IGFBP4: variants seen among roughly 807,000 people sequenced by gnomAD.
IGFBP4 encodes the protein insulin like growth factor binding protein 4, also known as insulin-like growth factor-binding protein 4.
In IGFBP4, 9 loss-of-function variants were observed where a neutral mutation model predicts 25.8. The ratio of observed to expected loss-of-function variants is 0.35; its 90% confidence interval spans 0.21 to 0.61. IGFBP4 has a LOEUF of 0.61. IGFBP4 is among the 20% of genes least tolerant of loss of function. IGFBP4 has a pLI of 0.77. For synonymous variants in IGFBP4, 153 were observed against 153.9 expected (o/e 0.99, Z 0.05); for missense variants, 315 against 365.3 (o/e 0.86, Z 1.12).
At position 40,456,877 on chromosome 17, in the gene IGFBP4, A is replaced by G; in HGVS notation, c.*294A>G. On this transcript the variant is annotated 3_prime_UTR_variant, in exon 4 of 4. Coordinates refer to ENST00000269593, the MANE Select transcript of IGFBP4 (RefSeq NM_001552.3). ...GGTCTGAGCCCTGGTGTGTTTCCAG[A>G]TCGATCCTGGATTCACTCACTCACT... 2.5e-6 allele frequency: 1 copy of G among 404,846 alleles called. No homozygotes were observed. Among genetic ancestry groups the G allele is most frequent in the Non-Finnish European group, 4.4e-6 (1 of 227,220 alleles). 25.1% of individuals were successfully genotyped at this position (404,846 alleles called of 1,614,324 possible). A position where few individuals can be genotyped will look rare whatever the true frequency, so the allele number is the denominator to read the frequency against.
chr17:40,453,875 G>C lies in IGFBP4; in HGVS notation c.508-53G>C. On this transcript the variant is annotated intron_variant, in intron 2 of 3. Coordinates refer to ENST00000269593, the MANE Select transcript of IGFBP4 (RefSeq NM_001552.3). This position sits in a 1 kb window ranked among gnomAD's most constrained non-coding sequence, Gnocchi z 4.0. ...TCACTTAGCTCTGACCCCAGGCCTG[G>C]GCCTCCTGCCTCTCTTCCTTCTGCT... 7.0e-7 allele frequency: 1 copy of C among 1,425,896 alleles called. No individual in the cohort carries two copies. The highest frequency in any genetic ancestry group is 9.7e-7 in the Non-Finnish European group (1 of 1,034,378). 88.3% of individuals were successfully genotyped at this position (1,425,896 alleles called of 1,614,324 possible).
At chr17:40,444,519 T>C (rs2035629676) in intron 1 of IGFBP4, among the ~76,000 whole-genome samples, 1 of 151,930 alleles carries the variant, frequency 6.6e-6, no homozygotes, top group South Asian at 2.1e-4. Context: ...ATCCCAGTGG[T>C]CTGGGGAGCC....
In IGFBP4 at chr17:40,456,725, G is replaced by A. The variant is rs1342645095; in HGVS notation, c.*142G>A. On this transcript the variant is annotated 3_prime_UTR_variant, in exon 4 of 4. Coordinates refer to ENST00000269593, the MANE Select transcript of IGFBP4 (RefSeq NM_001552.3). ...GTTTCCCTCAAATGCGCGTGTGCACGTGTGCGTGTGCGTGCGTGTGTGTGT... is the reference window on the plus strand; with the variant it reads ...GTTTCCCTCAAATGCGCGTGTGCACATGTGCGTGTGCGTGCGTGTGTGTGT... 4 of 730,746 alleles carry A rather than the reference G, an allele frequency of 5.5e-6. No homozygotes were observed. The highest frequency in any genetic ancestry group is 2.7e-5 in the East Asian group (1 of 36,458). The allele number at this position is 730,746 out of a possible 1,614,324, so 45.3% of individuals were successfully genotyped here.
At position 40,453,535 on chromosome 17, in the gene IGFBP4, G is replaced by T. The variant is rs975173233; in HGVS notation, c.507+393G>T. Among the ~76,000 whole-genome samples, 7 of 152,004 alleles carry T rather than the reference G, an allele frequency of 4.6e-5. No individual in the cohort carries two copies. The highest frequency in any genetic ancestry group is 1.7e-4 in the African/African-American group (7 of 41,376). Reference sequence around the variant, plus strand: ...AAAGGGTAATGCTGGCCATAGCAGGGGGCCTGGGACCCTGCTCCAGGGTCT... The same window carrying T: ...AAAGGGTAATGCTGGCCATAGCAGGTGGCCTGGGACCCTGCTCCAGGGTCT... On this transcript the variant is annotated intron_variant, in intron 2 of 3. Coordinates refer to ENST00000269593, the MANE Select transcript of IGFBP4 (RefSeq NM_001552.3). This position sits in a 1 kb window ranked among gnomAD's most constrained non-coding sequence, Gnocchi z 4.0.
chr17:40,445,009 C>A (rs1226136032), intron 1 of IGFBP4, among the ~76,000 whole-genome samples: 4 of 141,708 alleles, frequency 2.8e-5, no homozygotes, highest in African/African-American at 1.1e-4. Flanking sequence ...CTTGCCCTAA[C>A]CTCATTCTTA....
chr17:40,444,455 G>T (rs1240271603), intron 1 of IGFBP4, among the ~76,000 whole-genome samples: 1 of 152,222 alleles, frequency 6.6e-6, no homozygotes, highest in Non-Finnish European at 1.5e-5. Flanking sequence ...TGTGTGTTGG[G>T]GAGGATGAGG....
In IGFBP4 at chr17:40,456,732, T is replaced by TGTGC. The variant is rs567146830; in HGVS notation, c.*157_*160dup. On this transcript the variant is annotated 3_prime_UTR_variant, in exon 4 of 4. Transcript: ENST00000269593. ...TCAAATGCGCGTGTGCACGTGTGCG[T>TGTGC]GTGCGTGCGTGTGTGTGTGTTTGTG... is the stretch of plus-strand genomic sequence containing the variant. The TGTGC allele has an allele frequency of 3.4e-4, 236 of 698,626 alleles. No homozygotes were observed. The African/African-American group carries it at 4.1e-3, about 12-fold the overall frequency. The allele number at this position is 698,626 out of a possible 1,614,324, so 43.3% of individuals were successfully genotyped here.
intron 3 of IGFBP4, among the ~76,000 whole-genome samples, chr17:40,456,082 C>A (rs2035712527): frequency 1.3e-5 from 2 of 152,136 alleles, no homozygotes; most frequent in African/African-American, 4.8e-5. Flanking sequence ...CTGGTCCTAC[C>A]TTAATCCCAG....
At position 40,454,926 on chromosome 17, in the gene IGFBP4, A is replaced by C. The variant is rs548306171; in HGVS notation, c.642+864A>C. ...ATTTGAGCTGCCACTCTGCCAGCAGAAGTCTAGATAGAAGGACAAAGGTTG... is the reference window on the plus strand; with the variant it reads ...ATTTGAGCTGCCACTCTGCCAGCAGCAGTCTAGATAGAAGGACAAAGGTTG... On this transcript the variant is annotated intron_variant, in intron 3 of 3. Transcript: ENST00000269593. Among the ~76,000 whole-genome samples, 11 of 152,280 alleles carry C rather than the reference A, an allele frequency of 7.2e-5. No homozygotes were observed. The East Asian group carries it at 2.1e-3, about 29-fold the overall frequency.
Position 40,443,902 on chromosome 17 carries a change from G to A in IGFBP4, c.167G>A (p.Cys56Tyr), listed in dbSNP as rs1875696928. 3.9e-6 allele frequency: 6 copies of A among 1,530,332 alleles called. No individual in the cohort carries two copies. The highest frequency in any genetic ancestry group is 5.2e-6 in the Non-Finnish European group (6 of 1,144,016). The allele number at this position is 1,530,332 out of a possible 1,614,324, so 94.8% of individuals were successfully genotyped here. A position where few individuals can be genotyped will look rare whatever the true frequency, so the allele number is the denominator to read the frequency against. The change falls in exon 1 of 4, where the codon TGC becomes TAC. Residue 56 changes from cysteine (C) to tyrosine (Y), a missense_variant. By Grantham distance (194) the Cys-to-Tyr change is radical. Transcript: ENST00000269593. ...ELVREPGCGC[C>Y]ATCALGLGMP... ...GTGCGAGAGCCGGGCTGCGGCTGTT[G>A]CGCCACTTGCGCCCTGGGCTTGGGG...
At chr17:40,454,228 C>T (rs867700015) in intron 3 of IGFBP4, among the ~76,000 whole-genome samples, 166 bp downstream of exon 3, 1 of 152,326 alleles carries the variant, frequency 6.6e-6, no homozygotes, top group South Asian at 2.1e-4. Context: ...GAACCTCACT[C>T]ATTTTGGAGA....
In IGFBP4 at chr17:40,453,207, C is replaced by G; in HGVS notation, c.507+65C>G. On this transcript the variant is annotated intron_variant, in intron 2 of 3. Transcript: ENST00000269593. The surrounding 1 kb of genome is among the most constrained non-coding windows in gnomAD (Gnocchi z 4.0). The stretch of plus-strand genomic sequence containing the variant: ...ACACACACACACATGCCCCCTGCCC[C>G]CCACATGCACGCACCCACACACACC... The G allele has an allele frequency of 8.1e-7, 1 of 1,235,056 alleles. No individual in the cohort carries two copies. 76.5% of individuals were successfully genotyped at this position (1,235,056 alleles called of 1,614,324 possible). A position where few individuals can be genotyped will look rare whatever the true frequency, so the allele number is the denominator to read the frequency against.
In IGFBP4 at chr17:40,456,954, G is replaced by A. The variant is rs954475517; in HGVS notation, c.*371G>A. ...AAAACATTTACTGACCATGTACTACGTGCCAGCTCTAGTTTTCAGCCTTGG... is the reference window on the plus strand; with the variant it reads ...AAAACATTTACTGACCATGTACTACATGCCAGCTCTAGTTTTCAGCCTTGG... On this transcript the variant is annotated 3_prime_UTR_variant, in exon 4 of 4. Transcript: ENST00000269593. The A allele has an allele frequency of 2.8e-5, 6 of 216,738 alleles. No individual in the cohort carries two copies. The highest frequency in any genetic ancestry group is 1.2e-4 in the East Asian group (1 of 8,378). 13.4% of individuals were successfully genotyped at this position (216,738 alleles called of 1,614,324 possible).
Position 40,443,988 on chromosome 17 carries a change from G to A in IGFBP4, c.253G>A (p.Gly85Arg). 6.5e-7 allele frequency: 1 copy of A among 1,531,848 alleles called. No homozygotes were observed. The highest frequency in any genetic ancestry group is 8.7e-7 in the Non-Finnish European group (1 of 1,144,840). The allele number at this position is 1,531,848 out of a possible 1,614,324, so 94.9% of individuals were successfully genotyped here. The change falls in exon 1 of 4, where the codon GGG (glycine) becomes AGG (arginine). Residue 85 changes from glycine (G) to arginine (R), a missense_variant. Coordinates refer to ENST00000269593, the MANE Select transcript of IGFBP4 (RefSeq NM_001552.3). Reference protein sequence around the residue: ...GSGLRCYPPRGVEKPLHTLMH... With the variant: ...GSGLRCYPPRRVEKPLHTLMH... The stretch of plus-strand genomic sequence containing the variant: ...GGGCCTGCGCTGCTACCCGCCCCGA[G>A]GGGTGGAGAAGCCCCTGCACACACT...
chr17:40,447,766 C>T (rs2035657433), intron 1 of IGFBP4, among the ~76,000 whole-genome samples: 1 of 152,130 alleles, frequency 6.6e-6, no homozygotes. Context: ...CAGGACCTGC[C>T]TCACAGGGTT....
In IGFBP4 at chr17:40,446,153, C is replaced by T. The variant is rs147257662; in HGVS notation, c.349+2069C>T. On this transcript the variant is annotated intron_variant, in intron 1 of 3. Coordinates refer to ENST00000269593, the MANE Select transcript of IGFBP4 (RefSeq NM_001552.3). ...TCGAGACCAGCCTGAGCAATATAGC[C>T]AGACCCCCGTCTCTACAAAAAAAAA... Among the ~76,000 whole-genome samples the T allele has an allele frequency of 1.3e-3, 163 of 126,056 alleles. No individual in the cohort carries two copies. The Middle Eastern group carries it at 0.022, about 17-fold the overall frequency. The allele number at this position is 126,056 out of a possible 152,430, so 82.7% of individuals were successfully genotyped here.
intron 1 of IGFBP4, among the ~76,000 whole-genome samples, chr17:40,449,934 A>G (rs1022250475): frequency 6.6e-6 from 1 of 151,864 alleles, no homozygotes; most frequent in Non-Finnish European, 1.5e-5. Context: ...CTCCTGAAAA[A>G]CCTTCCTCAC....
At chr17:40,448,415 G>T (rs2035663214) in intron 1 of IGFBP4, among the ~76,000 whole-genome samples, 1 of 152,250 alleles carries the variant, frequency 6.6e-6, no homozygotes, top group Admixed American at 6.5e-5. Flanking sequence ...AACTGGCTTA[G>T]CTCCAAGCTG....
At chr17:40,447,047 C>A (rs1210508565) in intron 1 of IGFBP4, among the ~76,000 whole-genome samples, 1 of 152,238 alleles carries the variant, frequency 6.6e-6, no homozygotes, top group Non-Finnish European at 1.5e-5. Flanking sequence ...CACTGGCCCG[C>A]GAATAGCTTG....
Sources: allele counts gnomAD v4.1 joint callset (sites outside exome capture counted in the v4.1 genomes callset), GRCh38; gene constraint gnomAD v4.1.1; non-coding constraint Gnocchi (gnomAD v3.1); transcripts MANE v1.5; gene names NCBI Gene and HGNC (gene_info 2026-07-23, HGNC 2026-07-21).